USP48: variants seen among roughly 807,000 people sequenced by gnomAD.
USP48 encodes ubiquitin specific peptidase 48, also known as ubiquitin carboxyl-terminal hydrolase 48.
USP48 carries 43 observed loss-of-function variants against 150.7 expected under a neutral mutation model. That is an observed-to-expected ratio of 0.29 (90% CI 0.22 to 0.37). The LOEUF (loss-of-function observed/expected upper bound fraction) is 0.37. USP48 is among the 10% of genes least tolerant of loss of function. The pLI is 1.00. For missense variants in USP48, 813 were observed against 1,249.6 expected (o/e 0.65, Z 5.27); for synonymous variants, 396 against 425.9 (o/e 0.93, Z 0.86).
chr1:21,682,133 C>T (rs1336233959), intron 25 of USP48, among the ~76,000 whole-genome samples: 3 of 152,190 alleles, frequency 2.0e-5, no homozygotes, highest in Non-Finnish European at 4.4e-5. Flanking sequence ...TCATGGCAGA[C>T]GGTGCATGAC....
intron 15 of USP48, among the ~76,000 whole-genome samples, chr1:21,711,749 G>A (rs879559554): frequency 3.9e-5 from 6 of 152,124 alleles, no homozygotes; most frequent in Non-Finnish European, 8.8e-5. Flanking sequence ...CTTCCACAGA[G>A]TGCCTAGCAT....
intron 1 of USP48, among the ~76,000 whole-genome samples, chr1:21,777,377 T>C (rs1441064643): frequency 6.6e-6 from 1 of 150,728 alleles, no homozygotes; most frequent in East Asian, 2.0e-4. Context: ...AAAAAAAAAA[T>C]AGTACAATGT....
At chr1:21,709,694 A>G (rs1379311237) in intron 15 of USP48, among the ~76,000 whole-genome samples, 1 of 152,056 alleles carries the variant, frequency 6.6e-6, no homozygotes, top group Non-Finnish European at 1.5e-5. Context: ...AGCAGAGGAG[A>G]CCACAGACAC....
At chr1:21,692,683 G>A (rs922616286) in intron 23 of USP48, among the ~76,000 whole-genome samples, 3 of 152,108 alleles carry the variant, frequency 2.0e-5, no homozygotes, top group African/African-American at 7.2e-5. Flanking sequence ...GAATAATCCC[G>A]CCCTAGAGGG....
chr1:21,767,458 G>A (rs897955015), intron 1 of USP48, among the ~76,000 whole-genome samples: 5 of 152,040 alleles, frequency 3.3e-5, no homozygotes, highest in African/African-American at 1.2e-4. Flanking sequence ...CCGAGTAGCT[G>A]GGACTCCAGG....
chr1:21,768,027 G>GA (rs1335293529), intron 1 of USP48, among the ~76,000 whole-genome samples: 1 of 152,078 alleles, frequency 6.6e-6, no homozygotes, highest in Non-Finnish European at 1.5e-5. Flanking sequence ...CTAACATGGT[G>GA]AAACCCCGTC....
chr1:21,728,907 C>A (rs1180468927), intron 10 of USP48, among the ~76,000 whole-genome samples, 188 bp from the exon 11 acceptor site: 2 of 152,144 alleles, frequency 1.3e-5, no homozygotes, highest in Non-Finnish European at 2.9e-5. Context: ...CTGGAATAAT[C>A]CTAAATTGAT....
intron 19 of USP48, among the ~76,000 whole-genome samples, chr1:21,705,398 C>T (rs531255421): frequency 6.6e-6 from 1 of 152,076 alleles, no homozygotes; most frequent in Non-Finnish European, 1.5e-5. Context: ...CAGAACAAAA[C>T]CTATAACCAA....
At chr1:21,782,196 G>A (rs1447500992) in intron 1 of USP48, among the ~76,000 whole-genome samples, 2 of 152,172 alleles carry the variant, frequency 1.3e-5, no homozygotes, top group Admixed American at 1.3e-4. Context: ...TCTATATGAG[G>A]GGGTTAAGGA....
intron 15 of USP48, among the ~76,000 whole-genome samples, chr1:21,709,259 CA>C (rs2097683702): frequency 6.6e-6 from 1 of 151,918 alleles, no homozygotes; most frequent in Non-Finnish European, 1.5e-5. Context: ...GAATAATCCC[CA>C]AAAGATTATT....
At chr1:21,690,228 T>A in intron 23 of USP48, 129 bp from the exon 24 acceptor site, 1 of 1,073,372 alleles carries the variant, frequency 9.3e-7, no homozygotes, top group Non-Finnish European at 1.3e-6. Context: ...CACTATTGTT[T>A]ACAGTCAGCC....
intron 22 of USP48, among the ~76,000 whole-genome samples, chr1:21,695,952 TC>T (rs1205271538): frequency 7.2e-5 from 11 of 152,210 alleles, no homozygotes; most frequent in African/African-American, 2.4e-4. Flanking sequence ...ATATACAGAC[TC>T]ACTCATAAAA....
rs2097836243 is a variant in USP48 at position 21,756,584 on chromosome 1, C to T, written c.374G>A (p.Ser125Asn). 2.5e-6 allele frequency: 4 copies of T among 1,603,930 alleles called. No individual in the cohort carries two copies. The African/African-American group carries it at 4.1e-5, about 16-fold the overall frequency. Residue 125 changes from serine (S) to asparagine (N), a missense_variant, in exon 3 of 27, where the codon AGT becomes AAT. Ser to Asn is a conservative substitution (Grantham distance 46). Transcript: ENST00000308271. Reference sequence around the variant, plus strand: ...GATGCCGTCTCCCAGCATGTAGTCACTACAAGTGCTTGGACATAAGTAGAG... The same window carrying T: ...GATGCCGTCTCCCAGCATGTAGTCATTACAAGTGCTTGGACATAAGTAGAG... ...QALYLCPSTC[S>N]DYMLGDGIQE...
At chr1:21,740,887 A>G (rs2097780018) in intron 8 of USP48, among the ~76,000 whole-genome samples, 1 of 152,258 alleles carries the variant, frequency 6.6e-6, no homozygotes, top group Admixed American at 6.5e-5. Flanking sequence ...AACTCTATAA[A>G]TGGTTTAACC....
chr1:21,715,467 A>T lies in USP48; in HGVS notation c.1895-10T>A, dbSNP rs1013270775. The T allele has an allele frequency of 2.0e-6, 3 of 1,517,842 alleles. No individual in the cohort carries two copies. Among genetic ancestry groups the T allele is most frequent in the East Asian group, 2.3e-5 (1 of 44,272 alleles). The allele number at this position is 1,517,842 out of a possible 1,614,324, so 94.0% of individuals were successfully genotyped here. On this transcript the variant is annotated splice_polypyrimidine_tract_variant and intron_variant, in intron 14 of 26. Coordinates refer to ENST00000308271, the MANE Select transcript of USP48 (RefSeq NM_032236.8). ...TCTTCCTTTGATTCATCTAATCAAA[A>T]GAAATACAAATGATATCTGCTGTGG...
At chr1:21,746,619 G>C (rs2930012) in intron 8 of USP48, among the ~76,000 whole-genome samples, 2 of 152,014 alleles carry the variant, frequency 1.3e-5, no homozygotes, top group Non-Finnish European at 2.9e-5. Context: ...ATCCTAGGGC[G>C]TATCAGTAGT....
intron 8 of USP48, 91 bp from the exon 9 acceptor site, chr1:21,736,716 A>G (rs765687635): frequency 3.0e-5 from 34 of 1,144,436 alleles, no homozygotes; most frequent in Admixed American, 7.2e-5. Flanking sequence ...GAATCTTTAC[A>G]CATGTGGTAT....
intron 9 of USP48, among the ~76,000 whole-genome samples, chr1:21,730,999 T>C (rs888749893): frequency 6.6e-6 from 1 of 152,032 alleles, no homozygotes; most frequent in African/African-American, 2.4e-5. Context: ...GACCTCACAA[T>C]CTGCCCGCCT....
chr1:21,692,014 G>C (rs1479179325), intron 23 of USP48, among the ~76,000 whole-genome samples: 1 of 152,142 alleles, frequency 6.6e-6, no homozygotes, highest in African/African-American at 2.4e-5. Context: ...CTTGAACTGT[G>C]TGTGTAACAG....
Sources: gnomAD v4.1 joint callset for allele counts (sites outside exome capture counted in the v4.1 genomes callset) on GRCh38, gnomAD v4.1.1 for gene constraint, MANE v1.5 for transcripts, NCBI Gene and HGNC (gene_info 2026-07-23, HGNC 2026-07-21) for gene names.